Variants in PDE8B observed in about 807,000 individuals in gnomAD.
The protein encoded by PDE8B is phosphodiesterase 8B.
PDE8B carries 26 observed loss-of-function variants against 101.3 expected under a neutral mutation model. The observed-to-expected ratio is 0.26, with a 90% CI of 0.19 to 0.36. The LOEUF (loss-of-function observed/expected upper bound fraction) is 0.36, where lower values mean the gene tolerates loss of function less well. Among genes scored for constraint, PDE8B ranks in the 10% least tolerant of loss-of-function variants. The probability of loss-of-function intolerance (pLI) is 1.00; values close to 1 mark genes in which losing one functional copy is unlikely to be tolerated. For synonymous variants in PDE8B, 424 were observed against 429.3 expected (o/e 0.99, Z 0.15); for missense variants, 810 against 1,163.1 (o/e 0.70, Z 4.42).
chr5:77,172,429 G>A, the PDE8B span, among the ~76,000 whole-genome samples: 59 of 152,298 alleles, frequency 3.9e-4, no homozygotes, highest in Middle Eastern at 3.4e-3. Context: ...AGACAATGAC[G>A]GTGTTTGTTA....
the PDE8B span, among the ~76,000 whole-genome samples, chr5:77,116,224 A>ATATATATATTTTTTT: frequency 1.7e-5 from 1 of 59,610 alleles, no homozygotes; most frequent in African/African-American, 7.2e-5. Flanking sequence ...ATATATATAT[A>ATATATATATTTTTTT]TTTTTTTTTT....
At chr5:77,214,287 G>A (rs1004789260) in intron 1 of PDE8B, among the ~76,000 whole-genome samples, 1 of 152,174 alleles carries the variant, frequency 6.6e-6, no homozygotes, top group African/African-American at 2.4e-5. Context: ...TGACAATATC[G>A]TCAACTTGCT....
In PDE8B at chr5:77,388,370, G is replaced by A. The variant is rs141010308; in HGVS notation, c.1168-11878G>A. 5.3e-3 allele frequency among the ~76,000 whole-genome samples: 812 copies of A among 152,248 alleles called. 10 individuals carry two copies. The highest frequency in any genetic ancestry group is 0.018 in the African/African-American group (767 of 41,542). The stretch of plus-strand genomic sequence containing the variant: ...TGGAGTTTGCTGGAGATCCACTCCC[G>A]ACACTGTTTGCCTGGGTATCACCAG... On this transcript the variant is annotated intron_variant, in intron 10 of 21. Coordinates refer to ENST00000264917, the MANE Select transcript of PDE8B (RefSeq NM_003719.5).
the PDE8B span, among the ~76,000 whole-genome samples, chr5:77,170,377 C>T: frequency 2.8e-4 from 42 of 152,072 alleles, 1 homozygote; most frequent in Admixed American, 1.7e-3. Context: ...GAGCTGGACA[C>T]GTAATTAACC....
the PDE8B span, chr5:77,114,046 C>A: frequency 6.6e-6 from 1 of 152,162 alleles, no homozygotes; most frequent in African/African-American, 2.4e-5. Flanking sequence ...AATAGGAATG[C>A]TTTTACACTG....
At chr5:77,402,630 G>A (rs946551673) in intron 11 of PDE8B, among the ~76,000 whole-genome samples, 3 of 152,228 alleles carry the variant, frequency 2.0e-5, no homozygotes, top group Non-Finnish European at 2.9e-5. Flanking sequence ...GCAAATGAAC[G>A]GATGTAATTA....
intron 10 of PDE8B, among the ~76,000 whole-genome samples, chr5:77,369,907 A>G (rs1274618357): frequency 6.6e-6 from 1 of 152,198 alleles, no homozygotes; most frequent in Non-Finnish European, 1.5e-5. Flanking sequence ...TTTCTCAAGC[A>G]TTTTATTGTG....
At chr5:77,241,365 G>A (rs1755735012) in intron 1 of PDE8B, among the ~76,000 whole-genome samples, 1 of 152,176 alleles carries the variant, frequency 6.6e-6, no homozygotes, top group Admixed American at 6.5e-5. Context: ...ATTGAGAGAA[G>A]AATGATAAGA....
intron 10 of PDE8B, among the ~76,000 whole-genome samples, chr5:77,358,958 C>G (rs920462602): frequency 6.6e-6 from 1 of 152,186 alleles, no homozygotes; most frequent in Non-Finnish European, 1.5e-5. Context: ...AGCTTTAGTA[C>G]GTATTTACAA....
chr5:77,342,557 G>GT (rs140921281), intron 6 of PDE8B, among the ~76,000 whole-genome samples: 5,846 of 151,180 alleles, frequency 0.039, 147 homozygotes, highest in African/African-American at 0.064. Context: ...TAAATCAACA[G>GT]TTTTTTTTTA....
chr5:77,122,984 G>A, the PDE8B span, among the ~76,000 whole-genome samples: 1 of 152,168 alleles, frequency 6.6e-6, no homozygotes, highest in East Asian at 1.9e-4. Flanking sequence ...TATACAAAGT[G>A]TTGTCATTGA....
At chr5:77,234,942 C>T (rs1291860522) in intron 1 of PDE8B, among the ~76,000 whole-genome samples, 1 of 152,202 alleles carries the variant, frequency 6.6e-6, no homozygotes, top group African/African-American at 2.4e-5. Flanking sequence ...AATGTAATGC[C>T]TGACACTTCG....
rs140973562 is a variant in PDE8B, at chr5:77,213,280, A to G, written c.339+2016A>G. Reference sequence around the variant, plus strand: ...AGAGCTTAATTCACTCTAACCCATTACTGGGAATGTTGGAAATGAAACCCC... The same window carrying G: ...AGAGCTTAATTCACTCTAACCCATTGCTGGGAATGTTGGAAATGAAACCCC... On this transcript the variant is annotated intron_variant, in intron 1 of 21. Coordinates refer to ENST00000264917, the MANE Select transcript of PDE8B (RefSeq NM_003719.5). Among the ~76,000 whole-genome samples the G allele has an allele frequency of 1.3e-4, 20 of 152,352 alleles. No homozygotes were observed. The East Asian group carries it at 3.9e-3, about 29-fold the overall frequency.
intron 6 of PDE8B, among the ~76,000 whole-genome samples, chr5:77,340,898 C>G (rs749836977): frequency 6.6e-6 from 1 of 152,078 alleles, no homozygotes; most frequent in Non-Finnish European, 1.5e-5. Flanking sequence ...TCTGGACCTT[C>G]GAGGGCTCTT....
intron 1 of PDE8B, among the ~76,000 whole-genome samples, chr5:77,296,230 G>A (rs141884743): frequency 8.2e-5 from 11 of 134,792 alleles, no homozygotes; most frequent in African/African-American, 1.4e-4. Context: ...CCTTCTCTTC[G>A]TTTTCCTCTT....
the PDE8B span, among the ~76,000 whole-genome samples, chr5:77,177,726 G>A: frequency 1.3e-5 from 2 of 152,210 alleles, no homozygotes; most frequent in African/African-American, 2.4e-5. Context: ...CAGCCAAGGT[G>A]TCTACTCAGT....
intron 3 of PDE8B, among the ~76,000 whole-genome samples, chr5:77,327,851 C>T (rs1776331188): frequency 1.3e-5 from 2 of 152,198 alleles, no homozygotes; most frequent in South Asian, 4.1e-4. Flanking sequence ...ATATGGCAGC[C>T]GATCATTTCC....
the PDE8B span, among the ~76,000 whole-genome samples, chr5:77,119,859 C>T: frequency 6.6e-6 from 1 of 151,608 alleles, no homozygotes; most frequent in African/African-American, 2.4e-5. Context: ...AAAATAAAGA[C>T]ATTAGCCAGG....
the PDE8B span, among the ~76,000 whole-genome samples, chr5:77,178,229 T>C: frequency 6.6e-6 from 1 of 152,172 alleles, no homozygotes; most frequent in Non-Finnish European, 1.5e-5. Context: ...CCTCATCATC[T>C]CTTTGTTGTT....
Sources: gnomAD v4.1 joint callset for allele counts (sites outside exome capture counted in the v4.1 genomes callset) on GRCh38, gnomAD v4.1.1 for gene constraint, MANE v1.5 for transcripts, NCBI Gene and HGNC (gene_info 2026-07-23, HGNC 2026-07-21) for gene names.